Variants in SMARCA5 observed in about 807,000 individuals in gnomAD.
SMARCA5 encodes SNF2 related chromatin remodeling ATPase 5, also known as SWI/SNF-related matrix-associated actin-dependent regulator of chromatin subfamily A member 5.
SMARCA5 carries 18 observed loss-of-function variants against 140.4 expected under a neutral mutation model. That is an observed-to-expected ratio of 0.13 (90% CI 0.09 to 0.19). SMARCA5 has a LOEUF of 0.19. SMARCA5 is among the 10% of genes least tolerant of loss of function. SMARCA5 has a pLI of 1.00. For synonymous variants in SMARCA5, 449 were observed against 419.6 expected (o/e 1.07, Z -0.86); for missense variants, 606 against 1,276.8 (o/e 0.47, Z 8.01).
chr4:143,525,626 C>G, intron 5 of SMARCA5, 75 bp downstream of exon 5: 1 of 996,678 alleles, frequency 1.0e-6, no homozygotes, highest in Non-Finnish European at 1.6e-6. Flanking sequence ...AAGTTTCTTA[C>G]AGTCTACAAC....
Position 143,555,250 on chromosome 4 carries a change from T to C in SMARCA5, c.*2066T>C. 3.5e-6 allele frequency: 3 copies of C among 856,684 alleles called. No individual in the cohort carries two copies. The highest frequency in any genetic ancestry group is 5.9e-6 in the Non-Finnish European group (3 of 510,512). 53.1% of individuals were successfully genotyped at this position (856,684 alleles called of 1,614,324 possible). A position where few individuals can be genotyped will look rare whatever the true frequency, so the allele number is the denominator to read the frequency against. ...CTCCAAAGTTTCCTCCCTTCATGGG[T>C]CCAAAATTTGAAGACTGATTGTTGT... On this transcript the variant is annotated 3_prime_UTR_variant, in exon 24 of 24. Coordinates refer to ENST00000283131, the MANE Select transcript of SMARCA5 (RefSeq NM_003601.4).
Position 143,555,094 on chromosome 4 carries a change from G to C in SMARCA5, c.*1910G>C. On this transcript the variant is annotated 3_prime_UTR_variant, in exon 24 of 24. Transcript: ENST00000283131. Reference sequence around the variant, plus strand: ...TTCCTGGCAGTAATTAAAATCTTCTGTCAGTGCCACAGCTACTACTGCTAC... The same window carrying C: ...TTCCTGGCAGTAATTAAAATCTTCTCTCAGTGCCACAGCTACTACTGCTAC... 2 of 639,982 alleles carry C rather than the reference G, an allele frequency of 3.1e-6. No homozygotes were observed. Among genetic ancestry groups the C allele is most frequent in the Non-Finnish European group, 5.8e-6 (2 of 344,218 alleles). 39.6% of individuals were successfully genotyped at this position (639,982 alleles called of 1,614,324 possible).
chr4:143,523,028 C>T (rs1035258808), intron 3 of SMARCA5, among the ~76,000 whole-genome samples: 2 of 151,812 alleles, frequency 1.3e-5, no homozygotes, highest in African/African-American at 4.8e-5. Flanking sequence ...TTTTTTAAAT[C>T]TTTTTTTGTT....
intron 21 of SMARCA5, among the ~76,000 whole-genome samples, 167 bp downstream of exon 21, chr4:143,547,670 C>T (rs1341949698): frequency 6.6e-6 from 1 of 151,988 alleles, no homozygotes; most frequent in Non-Finnish European, 1.5e-5. Context: ...ATACACTAGA[C>T]TGATAGATCT....
chr4:143,531,846 C>T (rs1292790913), intron 9 of SMARCA5, among the ~76,000 whole-genome samples: 1 of 152,210 alleles, frequency 6.6e-6, no homozygotes, highest in East Asian at 1.9e-4. Context: ...GGTCTCTTTA[C>T]TAATACCTAG....
intron 2 of SMARCA5, among the ~76,000 whole-genome samples, chr4:143,520,262 T>C (rs1050955772): frequency 6.6e-6 from 1 of 152,226 alleles, no homozygotes; most frequent in Non-Finnish European, 1.5e-5. Flanking sequence ...AGAAATGTAA[T>C]TATGTAAAAT....
chr4:143,545,702 A>G (rs2149824467), intron 18 of SMARCA5, 119 bp downstream of exon 18: 2 of 782,364 alleles, frequency 2.6e-6, no homozygotes, highest in East Asian at 2.5e-5. Context: ...GCTTTAGCCT[A>G]GTCTAGTTGT....
chr4:143,523,089 C>T (rs978725646), intron 3 of SMARCA5, among the ~76,000 whole-genome samples: 4 of 152,132 alleles, frequency 2.6e-5, no homozygotes, highest in South Asian at 2.1e-4. Flanking sequence ...GGCTGGAGTG[C>T]GTGCAGTGGT....
rs750842047 is a variant in SMARCA5 at position 143,534,888 on chromosome 4, G to A, written c.1192G>A (p.Ala398Thr). The A allele has an allele frequency of 3.1e-6, 5 of 1,613,026 alleles. No homozygotes were observed. The highest frequency in any genetic ancestry group is 3.3e-5 in the Admixed American group (2 of 59,868). The part of the protein sequence containing the change: ...LRPFLLRRIK[A>T]DVEKSLPPKK... ...TCCATTCCTCCTTCGTCGAATTAAG[G>A]CTGATGTTGAAAAGAGTTTGCCTCC... The change falls in exon 10 of 24, where the codon GCT (alanine) becomes ACT (threonine). Residue 398 changes from alanine (A) to threonine (T), a missense_variant. Ala to Thr is a moderately conservative substitution (Grantham distance 58). This residue lies in a region of SMARCA5 where 25 missense variants were observed against 108.7 expected (regional missense o/e 0.23). Transcript: ENST00000283131.
At chr4:143,533,255 A>T (rs1578797950) in intron 9 of SMARCA5, among the ~76,000 whole-genome samples, 1 of 152,324 alleles carries the variant, frequency 6.6e-6, no homozygotes, top group African/African-American at 2.4e-5. Context: ...GTGTCTAAAA[A>T]TAAGAATATT....
At chr4:143,533,672 TA>T (rs1737245790) in intron 9 of SMARCA5, among the ~76,000 whole-genome samples, 1 of 152,036 alleles carries the variant, frequency 6.6e-6, no homozygotes, top group East Asian at 1.9e-4. Context: ...CTCGCCTGGC[TA>T]ATTTTTTGTA....
chr4:143,550,278 A>G (rs556178432), intron 23 of SMARCA5, among the ~76,000 whole-genome samples, 174 bp downstream of exon 23: 1 of 118,622 alleles, frequency 8.4e-6, no homozygotes, highest in South Asian at 2.5e-4. Context: ...ATAATTTGAG[A>G]TTCTTCCACT....
intron 6 of SMARCA5, among the ~76,000 whole-genome samples, chr4:143,527,202 T>G (rs1737092183): frequency 6.6e-6 from 1 of 152,214 alleles, no homozygotes. Context: ...GAAGAAGAGA[T>G]GGAAATAATG....
intron 14 of SMARCA5, among the ~76,000 whole-genome samples, chr4:143,543,108 C>T (rs1269090482): frequency 4.6e-5 from 7 of 152,128 alleles, no homozygotes. Context: ...TTTTACTTTA[C>T]TTTTCTAAGG....
At chr4:143,528,310 A>G (rs532936636) in intron 7 of SMARCA5, among the ~76,000 whole-genome samples, 3 of 151,800 alleles carry the variant, frequency 2.0e-5, no homozygotes, top group East Asian at 1.9e-4. Context: ...TCATTGTTCA[A>G]CTCCCACTTA....
At chr4:143,549,401 G>C (rs968318628) in intron 22 of SMARCA5, among the ~76,000 whole-genome samples, 1 of 152,060 alleles carries the variant, frequency 6.6e-6, no homozygotes, top group Admixed American at 6.6e-5. Flanking sequence ...ATGGACTTCT[G>C]TTTCTTTCAG....
Position 143,514,031 on chromosome 4 carries a change from GC to G in SMARCA5, c.111del (p.Glu38LysfsTer59). 1 of 1,553,932 alleles carries G rather than the reference GC, an allele frequency of 6.4e-7. No homozygotes were observed. Among genetic ancestry groups the G allele is most frequent in the Non-Finnish European group, 8.6e-7 (1 of 1,157,728 alleles). ...SGGSNSSNKG[G>X]PEGVAAQAVA... ...GGGAGCAACAGCAGCAACAAAGGCG[GC>G]CCCGAAGGCGTCGCGGCGCAGGCGG... On this transcript the variant is annotated frameshift_variant, in exon 1 of 24. Coordinates refer to ENST00000283131, the MANE Select transcript of SMARCA5 (RefSeq NM_003601.4). LOFTEE classifies it high-confidence loss of function.
intron 2 of SMARCA5, 55 bp downstream of exon 2, chr4:143,517,484 T>A: frequency 3.9e-6 from 4 of 1,032,552 alleles, no homozygotes; most frequent in Non-Finnish European, 5.8e-6. Flanking sequence ...ATCAGGTGAT[T>A]AAATGTACTA....
At chr4:143,522,836 TAAA>T (rs1200360328) in intron 3 of SMARCA5, among the ~76,000 whole-genome samples, 2 of 152,084 alleles carry the variant, frequency 1.3e-5, no homozygotes, top group Non-Finnish European at 2.9e-5. Flanking sequence ...TTTTATAAGA[TAAA>T]AAAGATTCTA....
Sources: allele counts gnomAD v4.1 joint callset (sites outside exome capture counted in the v4.1 genomes callset), GRCh38; gene constraint gnomAD v4.1.1; regional missense constraint gnomAD v4.1.1; transcripts MANE v1.5; gene names NCBI Gene and HGNC (gene_info 2026-07-23, HGNC 2026-07-21).